USP46: variants seen among roughly 807,000 people sequenced by gnomAD.
USP46 encodes the protein ubiquitin carboxyl-terminal hydrolase 46.
A neutral mutation model predicts 44.4 loss-of-function variants in USP46; 12 were observed. The ratio of observed to expected loss-of-function variants is 0.27; its 90% CI spans 0.17 to 0.44. The LOEUF (loss-of-function observed/expected upper bound fraction) is 0.44, where lower values mean the gene tolerates loss of function less well. Ranked by LOEUF, USP46 falls within the 20% of genes least tolerant of loss-of-function variation. USP46 has a pLI of 1.00. For synonymous variants in USP46, 155 were observed against 161.5 expected (o/e 0.96, Z 0.31); for missense variants, 248 against 444.8 (o/e 0.56, Z 3.98).
chr4:52,607,200 T>G (rs1716718110), intron 5 of USP46, among the ~76,000 whole-genome samples: 1 of 152,214 alleles, frequency 6.6e-6, no homozygotes, highest in Non-Finnish European at 1.5e-5. Context: ...ATACCTAATG[T>G]AAAGACCCAT....
rs1717663422 is a variant in USP46, at chr4:52,628,098, C to T, written c.183G>A (p.Glu61=). 6.2e-7 allele frequency: 1 copy of T among 1,613,862 alleles called. No individual in the cohort carries two copies. The highest frequency in any genetic ancestry group is 1.3e-5 in the African/African-American group (1 of 74,928). ...GCTGGGCCTTGTATGCCAACACATT[C>T]TCCCGGAATGGACGGCAGAAGTACA... ...QALYFCRPFR[E]NVLAYKAQQK... Residue 61 remains glutamate, a synonymous_variant, in exon 3 of 9, where the codon GAG becomes GAA. Transcript: ENST00000441222.
intron 4 of USP46, 105 bp downstream of exon 4, chr4:52,625,913 C>A: frequency 8.9e-7 from 1 of 1,117,600 alleles, no homozygotes; most frequent in South Asian, 1.6e-5. Flanking sequence ...TTTACATACA[C>A]TGCAAATAAC....
chr4:52,602,663 A>C (rs945490939), intron 6 of USP46, among the ~76,000 whole-genome samples: 6 of 152,170 alleles, frequency 3.9e-5, no homozygotes, highest in African/African-American at 1.4e-4. Flanking sequence ...CATTTCACAA[A>C]CTGGGCTCAG....
chr4:52,641,336 C>T (rs1167169678), intron 1 of USP46, among the ~76,000 whole-genome samples: 1 of 152,122 alleles, frequency 6.6e-6, no homozygotes, highest in Non-Finnish European at 1.5e-5. Flanking sequence ...AAAATAGCAT[C>T]TGAGCTGGGA....
At chr4:52,656,711 G>T in intron 1 of USP46, 1 of 483,034 alleles carries the variant, frequency 2.1e-6, no homozygotes, top group Non-Finnish European at 2.7e-6. Flanking sequence ...TCTAAGACCG[G>T]ACAACTTGTT....
At chr4:52,628,880 G>T (rs1399004647) in intron 2 of USP46, among the ~76,000 whole-genome samples, 1 of 152,168 alleles carries the variant, frequency 6.6e-6, no homozygotes, top group Non-Finnish European at 1.5e-5. Context: ...AATCACATTA[G>T]GGCCCACCCA....
At chr4:52,655,636 TC>T (rs1560415960) in intron 1 of USP46, among the ~76,000 whole-genome samples, 1 of 152,312 alleles carries the variant, frequency 6.6e-6, no homozygotes, top group East Asian at 1.9e-4. Flanking sequence ...TGGACAAAAA[TC>T]AGAGGATTAT....
chr4:52,637,419 T>C (rs1382088282), intron 1 of USP46, among the ~76,000 whole-genome samples: 3 of 152,208 alleles, frequency 2.0e-5, no homozygotes, highest in Admixed American at 2.0e-4. Flanking sequence ...ATCCACTTAC[T>C]TGTCTTACAG....
chr4:52,645,815 T>C (rs182272856), intron 1 of USP46, among the ~76,000 whole-genome samples: 106 of 152,154 alleles, frequency 7.0e-4, no homozygotes, highest in East Asian at 5.0e-3. Context: ...TGGGAGGTGA[T>C]TGGATCATTG....
intron 2 of USP46, chr4:52,628,377 G>A (rs964740517): frequency 3.2e-5 from 17 of 529,524 alleles, no homozygotes; most frequent in South Asian, 8.7e-5. Context: ...ACATCATTCC[G>A]GTGCTTCTCT....
At chr4:52,602,363 G>A (rs901842930) in intron 6 of USP46, among the ~76,000 whole-genome samples, 2 of 152,192 alleles carry the variant, frequency 1.3e-5, no homozygotes, top group Non-Finnish European at 2.9e-5. Context: ...GCCTTCCAGA[G>A]AGAAATGATA....
chr4:52,648,942 T>C (rs1426645910), intron 1 of USP46, among the ~76,000 whole-genome samples: 2 of 152,226 alleles, frequency 1.3e-5, no homozygotes, highest in Non-Finnish European at 2.9e-5. Context: ...GGGAACCCAA[T>C]TAGACAGTTT....
intron 1 of USP46, among the ~76,000 whole-genome samples, chr4:52,651,850 T>C (rs1441488744): frequency 1.3e-5 from 2 of 152,184 alleles, no homozygotes; most frequent in African/African-American, 4.8e-5. Flanking sequence ...AAATTTACTC[T>C]CAAAATTCAA....
At chr4:52,622,695 G>GT (rs1205159757) in intron 4 of USP46, among the ~76,000 whole-genome samples, 1 of 152,122 alleles carries the variant, frequency 6.6e-6, no homozygotes, top group African/African-American at 2.4e-5. Context: ...TTAGACTATT[G>GT]TAAGATGATA....
At chr4:52,629,873 C>A (rs966733114) in intron 2 of USP46, among the ~76,000 whole-genome samples, 1 of 152,110 alleles carries the variant, frequency 6.6e-6, no homozygotes, top group Non-Finnish European at 1.5e-5. Context: ...CAAGATCACA[C>A]AAGCTAGGGA....
At chr4:52,648,997 G>A (rs554658318) in intron 1 of USP46, among the ~76,000 whole-genome samples, 17 of 152,336 alleles carry the variant, frequency 1.1e-4, no homozygotes, top group African/African-American at 4.1e-4. Flanking sequence ...GAAGAGTCCT[G>A]TGGGCCTCTC....
At chr4:52,629,901 CAAACCGAGGTCTGTATTACATT>C (rs1717749066) in intron 2 of USP46, among the ~76,000 whole-genome samples, 1 of 152,146 alleles carries the variant, frequency 6.6e-6, no homozygotes, top group Admixed American at 6.6e-5. Flanking sequence ...AGGCAGAATT[CAAACCGAGGTCTGTATTACATT>C]AAAGCCAATG....
At chr4:52,650,441 A>G (rs575899266) in intron 1 of USP46, among the ~76,000 whole-genome samples, 387 of 152,366 alleles carry the variant, frequency 2.5e-3, no homozygotes, top group Non-Finnish European at 4.2e-3. Context: ...GGTAAACACC[A>G]TATCAACTTC....
intron 5 of USP46, among the ~76,000 whole-genome samples, chr4:52,607,255 A>T (rs897339230): frequency 3.3e-5 from 5 of 152,326 alleles, no homozygotes; most frequent in African/African-American, 1.2e-4. Flanking sequence ...TAGGGCATCC[A>T]TGAGTTGAGA....
Sources: allele counts gnomAD v4.1 joint callset (sites outside exome capture counted in the v4.1 genomes callset), GRCh38; gene constraint gnomAD v4.1.1; transcripts MANE v1.5; gene names NCBI Gene and HGNC (gene_info 2026-07-23, HGNC 2026-07-21).